The following MISP variants were observed in gnomAD, a reference collection of about 807,000 sequenced individuals.
The protein encoded by MISP is mitotic spindle positioning.
In MISP, 51 loss-of-function variants were observed where a neutral mutation model predicts 49.3. The observed-to-expected ratio is 1.03, with a 90% CI of 0.83 to 1.31. The LOEUF is 1.31. Among genes scored for constraint, MISP ranks in the 50% most tolerant of loss-of-function variants. The pLI is 0.00. For missense variants in MISP, 1,084 were observed against 935.1 expected (o/e 1.16, Z -2.08); for synonymous variants, 444 against 392.6 (o/e 1.13, Z -1.55).
At chr19:752,732 C>T (rs1184489385) in intron 1 of MISP, among the ~76,000 whole-genome samples, 7 of 139,574 alleles carry the variant, frequency 5.0e-5, no homozygotes, top group Non-Finnish European at 7.8e-5. Context: ...CGAGGCTGGG[C>T]GGACAGCTCC....
chr19:761,578 CG>C, intron 3 of MISP, 46 bp from the exon 4 acceptor site: 1 of 1,609,858 alleles, frequency 6.2e-7, no homozygotes, highest in Middle Eastern at 1.7e-4. Context: ...GACTCTGCAC[CG>C]GGCAGGGCAG....
rs145803584 is a variant in MISP at position 758,460 on chromosome 19, G to A, written c.1514G>A (p.Arg505His). The change falls in exon 2 of 5, where the codon CGC (arginine) becomes CAC (histidine). Residue 505 changes from arginine (R) to histidine (H), a missense_variant. By Grantham distance (29) the Arg-to-His change is conservative. Transcript: ENST00000215582. ...GGTGTCGTGCGGTGGGAGTACTTCC[G>A]CCTGCGTCCTCTGCGGTTCAGGGCC... ...NRGVVRWEYF[R>H]LRPLRFRAPD... The A allele has an allele frequency of 3.9e-4, 637 of 1,614,136 alleles. No individual in the cohort carries two copies. Among genetic ancestry groups the A allele is most frequent in the Middle Eastern group, 8.3e-4 (5 of 6,058 alleles).
At position 758,708 on chromosome 19, in the gene MISP, A is replaced by C. The variant is rs1392504657; in HGVS notation, c.1762A>C (p.Ser588Arg). Residue 588 changes from serine (S) to arginine (R), a missense_variant, in exon 2 of 5, where the codon AGC becomes CGC. Coordinates refer to ENST00000215582, the MANE Select transcript of MISP (RefSeq NM_173481.4). Reference protein sequence around the residue: ...PDENSDQNSRSSSQASGITGS... With the variant: ...PDENSDQNSRRSSQASGITGS... ...TGAGAACTCTGACCAGAACTCCAGG[A>C]GCTCCTCCCAGGCATCCGGTGAGAA... 1.2e-6 allele frequency: 2 copies of C among 1,613,226 alleles called. No homozygotes were observed. Among genetic ancestry groups the C allele is most frequent in the East Asian group, 4.5e-5 (2 of 44,874 alleles).
chr19:750,671 T>G (rs2033447993), upstream of MISP, among the ~76,000 whole-genome samples: 1 of 152,006 alleles, frequency 6.6e-6, no homozygotes, highest in Non-Finnish European at 1.5e-5. Flanking sequence ...CCAAACCTGG[T>G]TTATGCAAGA....
intron 4 of MISP, among the ~76,000 whole-genome samples, chr19:762,657 T>A (rs144170620): frequency 7.2e-5 from 11 of 151,982 alleles, no homozygotes; most frequent in South Asian, 2.1e-4. Flanking sequence ...ATTTTTATTT[T>A]TTTTTATTTT....
At chr19:755,807 G>A (rs967674869) in intron 1 of MISP, among the ~76,000 whole-genome samples, 9 of 152,174 alleles carry the variant, frequency 5.9e-5, no homozygotes, top group South Asian at 2.1e-4. Context: ...GGAGGTTAGC[G>A]CCTGTAATCC....
Position 758,485 on chromosome 19 carries a change from C to T in MISP, c.1539C>T (p.Ala513=), listed in dbSNP as rs375449101. Residue 513 remains alanine (A), a synonymous_variant, in exon 2 of 5, where the codon GCC becomes GCT. Transcript: ENST00000215582. ...GCCTGCGTCCTCTGCGGTTCAGGGC[C>T]CCAGACGAGCCCCAGCAGGCCCAAG... is the stretch of plus-strand genomic sequence containing the variant. ...YFRLRPLRFR[A]PDEPQQAQVP... The T allele has an allele frequency of 2.5e-5, 40 of 1,613,960 alleles. No individual in the cohort carries two copies. The highest frequency in any genetic ancestry group is 1.6e-4 in the Middle Eastern group (1 of 6,080).
At position 764,076 on chromosome 19, in the gene MISP, G is replaced by A. The variant is rs2033716807; in HGVS notation, c.*486G>A. On this transcript the variant is annotated 3_prime_UTR_variant, in exon 5 of 5. Coordinates refer to ENST00000215582, the MANE Select transcript of MISP (RefSeq NM_173481.4). ...GGGAGACCTGCCCCTTTCCAACCCTGGGAAACCATCCAGTCTGAGGGAGGA... is the reference window on the plus strand; with the variant it reads ...GGGAGACCTGCCCCTTTCCAACCCTAGGAAACCATCCAGTCTGAGGGAGGA... 6.5e-6 allele frequency: 1 copy of A among 154,838 alleles called. No homozygotes were observed. Among genetic ancestry groups the A allele is most frequent in the Admixed American group, 6.4e-5 (1 of 15,646 alleles). The allele number at this position is 154,838 out of a possible 1,614,324, so 9.6% of individuals were successfully genotyped here. A position where few individuals can be genotyped will look rare whatever the true frequency, so the allele number is the denominator to read the frequency against.
At chr19:756,438 T>G (rs1365506752) in intron 1 of MISP, among the ~76,000 whole-genome samples, 1 of 152,100 alleles carries the variant, frequency 6.6e-6, no homozygotes, top group African/African-American at 2.4e-5. Context: ...ATGAGTCACT[T>G]ACCCATCCCT....
intron 3 of MISP, among the ~76,000 whole-genome samples, chr19:761,214 C>T (rs975765413): frequency 2.0e-5 from 3 of 147,864 alleles, no homozygotes; most frequent in Admixed American, 6.8e-5. Context: ...CTCGGCCTCC[C>T]GTGTAGCTGG....
chr19:763,971 A>C lies in MISP; in HGVS notation c.*381A>C. On this transcript the variant is annotated 3_prime_UTR_variant, in exon 5 of 5. Coordinates refer to ENST00000215582, the MANE Select transcript of MISP (RefSeq NM_173481.4). ...AGGGACCGGTCAAAGAGGGTGGCAC[A>C]GATCGCAGCACCTTGAGGGGCTGCG... is the stretch of plus-strand genomic sequence containing the variant. The C allele has an allele frequency of 5.3e-6, 1 of 188,524 alleles. No individual in the cohort carries two copies. Among genetic ancestry groups the C allele is most frequent in the South Asian group, 1.0e-4 (1 of 9,582 alleles). The allele number at this position is 188,524 out of a possible 1,614,324, so 11.7% of individuals were successfully genotyped here.
At chr19:758,784 G>A (rs1255378244) in intron 2 of MISP, 58 bp downstream of exon 2, 2 of 1,442,712 alleles carry the variant, frequency 1.4e-6, no homozygotes, top group Admixed American at 2.1e-5. Flanking sequence ...GTTGGAGCAG[G>A]GGAGGGTGGG....
At chr19:763,021 G>A (rs1211626257) in intron 4 of MISP, among the ~76,000 whole-genome samples, 1 of 152,144 alleles carries the variant, frequency 6.6e-6, no homozygotes, top group Non-Finnish European at 1.5e-5. Context: ...CAGGCACGGT[G>A]GCTCACGCCT....
Position 764,031 on chromosome 19 carries a change from G to A in MISP, c.*441G>A, listed in dbSNP as rs2033716257. On this transcript the variant is annotated 3_prime_UTR_variant, in exon 5 of 5. Transcript: ENST00000215582. ...GAGGAGACACTCAGCTCCTCCCTCT[G>A]AGAAGTCCCAAGCTGAGAGGGGAGA... The A allele has an allele frequency of 6.3e-6, 1 of 157,494 alleles. No homozygotes were observed. The highest frequency in any genetic ancestry group is 1.4e-5 in the Non-Finnish European group (1 of 71,348). The allele number at this position is 157,494 out of a possible 1,614,324, so 9.8% of individuals were successfully genotyped here.
At chr19:756,835 T>A (rs2033556921) in intron 1 of MISP, 55 bp from the exon 2 acceptor site, 2 of 901,150 alleles carry the variant, frequency 2.2e-6, no homozygotes, top group African/African-American at 3.4e-5. Context: ...CTGGAGGCTG[T>A]TCCTCTCCCT....
At chr19:748,711 G>A (rs1213350771), upstream of MISP, among the ~76,000 whole-genome samples, 1 of 152,234 alleles carries the variant, frequency 6.6e-6, no homozygotes, top group Non-Finnish European at 1.5e-5. Flanking sequence ...TACACAGGAG[G>A]CCTGGGGAGG....
chr19:763,576 G>T lies in MISP; in HGVS notation c.2026G>T (p.Glu676Ter). ...CTGGGAATCCCGCATCTACGCCAGT[G>T]AGGAGGATGACTGAGCCTCGGGATG... Reference protein sequence around the residue: ...ERWESRIYASEEDD With the variant: ...ERWESRIYAS The change falls in exon 5 of 5, where the codon GAG (glutamate) becomes TAG (stop). Residue 676 changes from glutamate to a stop codon, truncating the protein, a stop_gained. Coordinates refer to ENST00000215582, the MANE Select transcript of MISP (RefSeq NM_173481.4). LOFTEE classifies it high-confidence loss of function. 2 of 1,613,686 alleles carry T rather than the reference G, an allele frequency of 1.2e-6. No homozygotes were observed. The highest frequency in any genetic ancestry group is 1.7e-6 in the Non-Finnish European group (2 of 1,179,836).
chr19:754,216 A>C (rs996871069), intron 1 of MISP, among the ~76,000 whole-genome samples: 2 of 151,878 alleles, frequency 1.3e-5, no homozygotes, highest in East Asian at 3.9e-4. Flanking sequence ...TGTAATCCCA[A>C]CACTTTGGGA....
At chr19:748,566 C>CG (rs2033411555), upstream of MISP, among the ~76,000 whole-genome samples, 1 of 152,058 alleles carries the variant, frequency 6.6e-6, no homozygotes, top group African/African-American at 2.4e-5. Flanking sequence ...ACTGGCTTCC[C>CG]GGGGGGCCCT....
Sources: allele counts gnomAD v4.1 joint callset (sites outside exome capture counted in the v4.1 genomes callset), GRCh38; gene constraint gnomAD v4.1.1; transcripts MANE v1.5; gene names NCBI Gene and HGNC (gene_info 2026-07-23, HGNC 2026-07-21).